Variants in AJAP1 observed in about 807,000 individuals in gnomAD.
The protein encoded by AJAP1 is adherens junction-associated protein 1.
AJAP1 carries 5 observed loss-of-function variants against 35.0 expected under a neutral mutation model. That is an observed-to-expected ratio of 0.14 (90% CI 0.07 to 0.30). The LOEUF is 0.30. Among genes scored for constraint, AJAP1 ranks in the 10% least tolerant of loss-of-function variants. The pLI is 1.00. For synonymous variants in AJAP1, 284 were observed against 249.3 expected, an observed-to-expected ratio of 1.14 and a Z score of -1.31; for missense variants, 586 against 571.0, an observed-to-expected ratio of 1.03 and a Z score of -0.27.
At chr1:4,772,841 A>G (rs574215174) in intron 4 of AJAP1, among the ~76,000 whole-genome samples, 1 of 152,268 alleles carries the variant, frequency 6.6e-6, no homozygotes, top group African/African-American at 2.4e-5. Flanking sequence ...CCAGAGCCCA[A>G]AGGCCAGCCC....
At chr1:4,677,600 T>A (rs899781808) in intron 1 of AJAP1, among the ~76,000 whole-genome samples, 1 of 151,984 alleles carries the variant, frequency 6.6e-6, no homozygotes, top group East Asian at 1.9e-4. Flanking sequence ...TAAAAAAAAA[T>A]TTAACATCTG....
intron 1 of AJAP1, among the ~76,000 whole-genome samples, chr1:4,684,338 T>C (rs1003131396): frequency 6.6e-5 from 10 of 152,074 alleles, no homozygotes; most frequent in African/African-American, 2.4e-4. Context: ...GAGGAGGCCA[T>C]GAGGCTCACC....
intron 1 of AJAP1, among the ~76,000 whole-genome samples, chr1:4,665,478 A>T (rs781168126): frequency 6.6e-6 from 1 of 152,038 alleles, no homozygotes; most frequent in South Asian, 2.1e-4. Flanking sequence ...TTTTGGGCTA[A>T]TTTGATTCTC....
chr1:4,767,089 G>A (rs377453158), intron 2 of AJAP1, among the ~76,000 whole-genome samples: 1 of 152,118 alleles, frequency 6.6e-6, no homozygotes, highest in Non-Finnish European at 1.5e-5. Context: ...GCAGGAGAAG[G>A]GCCTCCAGGG....
At chr1:4,667,582 G>A (rs1433295005) in intron 1 of AJAP1, among the ~76,000 whole-genome samples, 1 of 152,230 alleles carries the variant, frequency 6.6e-6, no homozygotes, top group Non-Finnish European at 1.5e-5. Flanking sequence ...TAGGGTTAGT[G>A]CCCCTGGAAG....
intron 5 of AJAP1, among the ~76,000 whole-genome samples, chr1:4,776,081 C>T (rs1641934352): frequency 6.6e-6 from 1 of 152,180 alleles, no homozygotes; most frequent in Non-Finnish European, 1.5e-5. Flanking sequence ...AGTCGAAGAC[C>T]CTCACTCCCT....
At chr1:4,680,374 C>T (rs1184633302) in intron 1 of AJAP1, among the ~76,000 whole-genome samples, 1 of 152,192 alleles carries the variant, frequency 6.6e-6, no homozygotes, top group African/African-American at 2.4e-5. Context: ...ATGACCTCAT[C>T]TTAAATACAT....
intron 1 of AJAP1, among the ~76,000 whole-genome samples, chr1:4,680,628 C>T (rs567695756): frequency 1.3e-5 from 2 of 152,334 alleles, no homozygotes; most frequent in Admixed American, 1.3e-4. Flanking sequence ...CTGATGTCCA[C>T]TTATCTCTCA....
intron 2 of AJAP1, among the ~76,000 whole-genome samples, chr1:4,766,230 A>G (rs894023200): frequency 2.0e-5 from 3 of 152,108 alleles, no homozygotes; most frequent in Non-Finnish European, 4.4e-5. Context: ...TTTTGCTACA[A>G]TGGTAGAGTT....
intron 1 of AJAP1, among the ~76,000 whole-genome samples, chr1:4,663,924 G>A (rs1019024639): frequency 1.3e-5 from 2 of 152,108 alleles, no homozygotes; most frequent in Non-Finnish European, 2.9e-5. Context: ...GCCTGGGTGC[G>A]GGGCTTGCTC....
intron 2 of AJAP1, among the ~76,000 whole-genome samples, chr1:4,716,778 C>T (rs1156716061): frequency 6.6e-6 from 1 of 152,000 alleles, no homozygotes. Flanking sequence ...GATGATGATG[C>T]TGTTGATAGT....
chr1:4,714,117 C>T (rs919112896), intron 2 of AJAP1, among the ~76,000 whole-genome samples: 1 of 151,974 alleles, frequency 6.6e-6, no homozygotes. Flanking sequence ...GGTTTTTTTT[C>T]TGAGCTCCTC....
At chr1:4,742,705 C>G (rs1458786568) in intron 2 of AJAP1, among the ~76,000 whole-genome samples, 5 of 152,200 alleles carry the variant, frequency 3.3e-5, no homozygotes, top group Non-Finnish European at 5.9e-5. Context: ...TCTGCAATCT[C>G]AGACACCTAT....
rs1557595921 is a variant in AJAP1 at position 4,656,365 on chromosome 1, C to T, written c.29+911C>T. Among the ~76,000 whole-genome samples, 3 of 152,214 alleles carry T rather than the reference C, an allele frequency of 2.0e-5. No individual in the cohort carries two copies. The South Asian group carries it at 6.2e-4, about 31-fold the overall frequency. On this transcript the variant is annotated intron_variant, in intron 1 of 5. Coordinates refer to ENST00000378191, the MANE Select transcript of AJAP1 (RefSeq NM_018836.4). The surrounding 1 kb of genome is among the most constrained non-coding windows in gnomAD (Gnocchi z 5.7). ...CTGAGCCCTCGCCCTCCTGCCGGGG[C>T]ATTCACCGAGCTCGTGCATTTGGGT...
At position 4,654,753 on chromosome 1, in the gene AJAP1, C is replaced by T. The variant is rs1278727211; in HGVS notation, c.-673C>T. On this transcript the variant is annotated 5_prime_UTR_variant, in exon 1 of 6. Coordinates refer to ENST00000378191, the MANE Select transcript of AJAP1 (RefSeq NM_018836.4). This position sits in a 1 kb window ranked among gnomAD's most constrained non-coding sequence, Gnocchi z 5.1. ...TCCCCACGCCCCGCGCTCCACGGCG[C>T]CCTCGCCCCGCGCGCCTCTCGTGCC... 2 of 148,906 alleles carry T rather than the reference C, an allele frequency of 1.3e-5. No homozygotes were observed. Among genetic ancestry groups the T allele is most frequent in the Non-Finnish European group, 3.0e-5 (2 of 67,016 alleles). The allele number at this position is 148,906 out of a possible 1,614,324, so 9.2% of individuals were successfully genotyped here. A position where few individuals can be genotyped will look rare whatever the true frequency, so the allele number is the denominator to read the frequency against.
intron 5 of AJAP1, among the ~76,000 whole-genome samples, chr1:4,779,680 T>C (rs561780452): frequency 6.6e-6 from 1 of 152,200 alleles, no homozygotes; most frequent in Non-Finnish European, 1.5e-5. Flanking sequence ...AAGGTTGGCC[T>C]TGTGAGTAAT....
intron 2 of AJAP1, among the ~76,000 whole-genome samples, chr1:4,730,993 T>G (rs1319213832): frequency 6.6e-6 from 1 of 152,224 alleles, no homozygotes; most frequent in Non-Finnish European, 1.5e-5. Flanking sequence ...TAAAAGGAGA[T>G]TGCAAATGTT....
At chr1:4,774,605 C>A (rs1458769641) in intron 5 of AJAP1, 47 bp downstream of exon 5, 2 of 1,076,922 alleles carry the variant, frequency 1.9e-6, no homozygotes, top group African/African-American at 3.1e-5. Context: ...CCTTTCCTCC[C>A]CTCCCCACTG....
chr1:4,681,607 G>A (rs1181325589), intron 1 of AJAP1, among the ~76,000 whole-genome samples: 1 of 152,262 alleles, frequency 6.6e-6, no homozygotes, highest in East Asian at 1.9e-4. Flanking sequence ...CACAGGCTTA[G>A]ACAGAGGCCA....
Sources: gnomAD v4.1 joint callset for allele counts (sites outside exome capture counted in the v4.1 genomes callset) on GRCh38, gnomAD v4.1.1 for gene constraint, Gnocchi (gnomAD v3.1) non-coding constraint, MANE v1.5 for transcripts, NCBI Gene and HGNC (gene_info 2026-07-23, HGNC 2026-07-21) for gene names.